LYPD6B: variants seen among roughly 807,000 people sequenced by gnomAD.
LYPD6B encodes LY6/PLAUR domain containing 6B.
LYPD6B carries 17 observed loss-of-function variants against 22.8 expected under a neutral mutation model. The ratio of observed to expected loss-of-function variants is 0.75; its 90% confidence interval spans 0.51 to 1.12. The LOEUF (loss-of-function observed/expected upper bound fraction) is 1.12. Among genes scored for constraint, LYPD6B ranks in the 50% most tolerant of loss-of-function variants. The pLI is 0.00. For missense variants in LYPD6B, 221 were observed against 258.3 expected (o/e 0.86, Z 0.99); for synonymous variants, 106 against 91.6 (o/e 1.16, Z -0.90).
chr2:149,170,031 A>T (rs1340295804), intron 3 of LYPD6B, among the ~76,000 whole-genome samples: 1 of 152,162 alleles, frequency 6.6e-6, no homozygotes, highest in Non-Finnish European at 1.5e-5. Flanking sequence ...GAAGCTGTGG[A>T]TCCTTCTGGA....
chr2:149,050,981 C>T (rs902223999), intron 1 of LYPD6B, among the ~76,000 whole-genome samples: 1 of 151,770 alleles, frequency 6.6e-6, no homozygotes, highest in South Asian at 2.1e-4. Context: ...TCCTACCACA[C>T]AGAAATAGTC....
chr2:149,124,053 C>T (rs1687542953), intron 1 of LYPD6B, among the ~76,000 whole-genome samples: 1 of 152,176 alleles, frequency 6.6e-6, no homozygotes, highest in Non-Finnish European at 1.5e-5. Flanking sequence ...CCTGTGGAAT[C>T]CAAGGGCCAT....
intron 1 of LYPD6B, among the ~76,000 whole-genome samples, chr2:149,126,038 C>A (rs994720345): frequency 6.6e-6 from 1 of 151,954 alleles, no homozygotes; most frequent in Admixed American, 6.6e-5. Context: ...TACAACTGAC[C>A]CTTGAACTTG....
intron 2 of LYPD6B, among the ~76,000 whole-genome samples, chr2:149,151,215 G>A (rs1366586228): frequency 6.6e-6 from 1 of 151,994 alleles, no homozygotes; most frequent in East Asian, 1.9e-4. Context: ...GGGTATATAT[G>A]GTGTCCTCTG....
chr2:149,197,927 C>A (rs958655349), intron 3 of LYPD6B, among the ~76,000 whole-genome samples: 1 of 152,144 alleles, frequency 6.6e-6, no homozygotes, highest in African/African-American at 2.4e-5. Context: ...GTGATCAACG[C>A]ACTTATTAGG....
intron 1 of LYPD6B, among the ~76,000 whole-genome samples, chr2:149,130,044 T>C (rs75498194): frequency 1.5e-3 from 225 of 152,312 alleles, no homozygotes; most frequent in African/African-American, 5.2e-3. Flanking sequence ...ACCCGCCTCT[T>C]TCTGGTAGGC....
chr2:149,162,626 A>G lies in LYPD6B; in HGVS notation c.77+1791A>G, dbSNP rs139845288. ...TTAAGTAGTTCAAGATCGTTAAAGC[A>G]TATTTGGCCTATGGAGAACAGCAGA... On this transcript the variant is annotated intron_variant, in intron 3 of 6. Transcript: ENST00000409642. 2.0e-4 allele frequency among the ~76,000 whole-genome samples: 30 copies of G among 152,334 alleles called. No homozygotes were observed. The East Asian group carries it at 5.6e-3, about 28-fold the overall frequency.
chr2:149,155,789 A>G (rs1689663627), intron 2 of LYPD6B, among the ~76,000 whole-genome samples: 1 of 152,222 alleles, frequency 6.6e-6, no homozygotes, highest in Non-Finnish European at 1.5e-5. Context: ...CTATAGGTCA[A>G]ACATTGTCTG....
chr2:149,153,780 A>G (rs1475362966), intron 2 of LYPD6B, among the ~76,000 whole-genome samples: 13 of 149,570 alleles, frequency 8.7e-5, no homozygotes, highest in African/African-American at 3.2e-4. Context: ...TCTCAAAAGA[A>G]AAAAAAAAAA....
At chr2:149,134,006 A>G (rs1184385787) in intron 2 of LYPD6B, among the ~76,000 whole-genome samples, 1 of 152,106 alleles carries the variant, frequency 6.6e-6, no homozygotes, top group Admixed American at 6.5e-5. Flanking sequence ...AAATGAAGGA[A>G]GGAAGGTTAG....
intron 1 of LYPD6B, among the ~76,000 whole-genome samples, chr2:149,040,870 T>G (rs554572316): frequency 6.6e-6 from 1 of 152,350 alleles, no homozygotes; most frequent in East Asian, 1.9e-4. Context: ...TTTTGTTTAT[T>G]CATTCATTCG....
chr2:149,050,445 G>A (rs1316788251), intron 1 of LYPD6B, among the ~76,000 whole-genome samples: 2 of 152,268 alleles, frequency 1.3e-5, no homozygotes, highest in East Asian at 1.9e-4. Context: ...CATTGGTATC[G>A]TGTTGAAAAC....
chr2:149,165,012 C>T (rs1393856216), intron 3 of LYPD6B, among the ~76,000 whole-genome samples: 2 of 152,122 alleles, frequency 1.3e-5, no homozygotes, highest in Non-Finnish European at 2.9e-5. Flanking sequence ...TTGGGCTCAG[C>T]TGGGTGGTTC....
At chr2:149,072,527 AT>A (rs1194184225) in intron 1 of LYPD6B, among the ~76,000 whole-genome samples, 2 of 149,964 alleles carry the variant, frequency 1.3e-5, no homozygotes, top group Non-Finnish European at 3.0e-5. Flanking sequence ...ATTTTATTTT[AT>A]TTTATTTCAT....
intron 2 of LYPD6B, among the ~76,000 whole-genome samples, chr2:149,155,214 T>C (rs1304072905): frequency 2.0e-5 from 3 of 152,192 alleles, no homozygotes; most frequent in Non-Finnish European, 4.4e-5. Context: ...GCTAGGAAAA[T>C]GCTCTGCAGC....
intron 3 of LYPD6B, among the ~76,000 whole-genome samples, chr2:149,198,479 G>A (rs79693558): frequency 0.1 from 15,434 of 152,080 alleles, 899 homozygotes; most frequent in Non-Finnish European, 0.11. Flanking sequence ...AGTCTTTTAG[G>A]TTTTTCTTAA....
At chr2:149,053,266 A>G (rs1683646105) in intron 1 of LYPD6B, among the ~76,000 whole-genome samples, 1 of 152,228 alleles carries the variant, frequency 6.6e-6, no homozygotes, top group Non-Finnish European at 1.5e-5. Flanking sequence ...TTGTCTTGCT[A>G]ACAGTATATC....
At chr2:149,153,020 A>G (rs574823533) in intron 2 of LYPD6B, among the ~76,000 whole-genome samples, 7 of 152,156 alleles carry the variant, frequency 4.6e-5, no homozygotes, top group Non-Finnish European at 1.0e-4. Context: ...TACCCTAAGG[A>G]AGGGGAAAAC....
At chr2:149,059,733 T>C (rs529655824) in intron 1 of LYPD6B, among the ~76,000 whole-genome samples, 104 of 152,304 alleles carry the variant, frequency 6.8e-4, no homozygotes, top group African/African-American at 2.5e-3. Flanking sequence ...CAAGGGGCTT[T>C]CATCCTACTC....
Sources: gnomAD v4.1 joint callset for allele counts (sites outside exome capture counted in the v4.1 genomes callset) on GRCh38, gnomAD v4.1.1 for gene constraint, MANE v1.5 for transcripts, NCBI Gene and HGNC (gene_info 2026-07-23, HGNC 2026-07-21) for gene names.